Variants in IL12RB2 observed in about 807,000 individuals in gnomAD.
IL12RB2 encodes the protein interleukin-12 receptor subunit beta-2.
IL12RB2 carries 82 observed loss-of-function variants against 89.4 expected under a neutral mutation model. The ratio of observed to expected loss-of-function variants is 0.92; its 90% CI spans 0.77 to 1.10. IL12RB2 has a LOEUF of 1.10. Ranked by LOEUF, IL12RB2 falls within the 50% of genes least tolerant of loss-of-function variation. The pLI, the probability that IL12RB2 is intolerant of heterozygous loss-of-function variation, is 0.00. For missense variants in IL12RB2, 963 were observed against 1,031.9 expected (o/e 0.93, Z 0.92); for synonymous variants, 368 against 370.1 (o/e 0.99, Z 0.07).
chr1:67,352,299 G>C (rs1433135611), intron 10 of IL12RB2, among the ~76,000 whole-genome samples: 1 of 152,168 alleles, frequency 6.6e-6, no homozygotes, highest in Non-Finnish European at 1.5e-5. Context: ...CTCAAAAAAA[G>C]AGAAGTCCAG....
At chr1:67,338,488 AAAAAATACTGGGACACACACAAATAATTG>A (rs1659131655) in intron 8 of IL12RB2, 107 bp from the exon 9 acceptor site, 2 of 640,818 alleles carry the variant, frequency 3.1e-6, no homozygotes, top group Non-Finnish European at 2.8e-6. Context: ...CAAGAAAAAG[AAAAAATACTGGGACACACACAAATAATTG>A]AAGTTATCCT....
Position 67,368,045 on chromosome 1 carries a change from C to T in IL12RB2, c.1459+20C>T, listed in dbSNP as rs1254044590. The T allele has an allele frequency of 6.8e-7, 1 of 1,463,364 alleles. No individual in the cohort carries two copies. Among genetic ancestry groups the T allele is most frequent in the Non-Finnish European group, 9.6e-7 (1 of 1,042,770 alleles). The allele number at this position is 1,463,364 out of a possible 1,614,324, so 90.6% of individuals were successfully genotyped here. On this transcript the variant is annotated intron_variant, in intron 11 of 16. Transcript: ENST00000674203. ...TTTCAGGTACCTAATTGTTCACCTT[C>T]CTTCTAGAGGGTTACTAAGTTCACA...
chr1:67,338,933 C>A (rs188127776), intron 9 of IL12RB2, among the ~76,000 whole-genome samples: 169 of 152,220 alleles, frequency 1.1e-3, no homozygotes, highest in African/African-American at 3.8e-3. Context: ...AGATCAAGGT[C>A]TTTTTCCATC....
intron 2 of IL12RB2, among the ~76,000 whole-genome samples, chr1:67,318,633 G>T (rs1157462080): frequency 6.6e-6 from 1 of 152,132 alleles, no homozygotes; most frequent in Admixed American, 6.6e-5. Flanking sequence ...TAGCCACCTG[G>T]GGTAAGAATA....
chr1:67,380,084 G>A lies in IL12RB2; in HGVS notation c.1816G>A (p.Glu606Lys), dbSNP rs772560362. ...GATGACAGCTCTGACAGCTGCTGGT[G>A]AAAGTTCCCACGGAAATGAGAGGGA... Reference protein sequence around the residue: ...LWMTALTAAGESSHGNEREFC... With the variant: ...LWMTALTAAGKSSHGNEREFC... Residue 606 changes from glutamate to lysine, a missense_variant, in exon 14 of 17, where the codon GAA becomes AAA. Coordinates refer to ENST00000674203, the MANE Select transcript of IL12RB2 (RefSeq NM_001374259.2). 26 of 1,614,208 alleles carry A rather than the reference G, an allele frequency of 1.6e-5. No individual in the cohort carries two copies. Among genetic ancestry groups the A allele is most frequent in the Non-Finnish European group, 2.1e-5 (25 of 1,180,024 alleles).
chr1:67,386,872 TTATATATATATATATATATATATATATA>T lies in IL12RB2; in HGVS notation c.1946+221_1946+248del, dbSNP rs1179774666. ...AACAATCTCTAACTAGAAATGTATT[TTATATATATATATATATATATATATATA>T]TATATATATATATATATTCTTTTTT... On this transcript the variant is annotated intron_variant, in intron 15 of 16. Transcript: ENST00000674203. 4.1e-4 allele frequency among the ~76,000 whole-genome samples: 20 copies of T among 48,466 alleles called. No homozygotes were observed. The East Asian group carries it at 4.6e-3, about 11-fold the overall frequency. 31.8% of individuals were successfully genotyped at this position (48,466 alleles called of 152,430 possible).
chr1:67,366,632 G>A (rs1209521492), intron 10 of IL12RB2, among the ~76,000 whole-genome samples: 1 of 152,118 alleles, frequency 6.6e-6, no homozygotes, highest in Non-Finnish European at 1.5e-5. Context: ...CTATTTTAGA[G>A]ATAAATCTGG....
chr1:67,329,442 T>A (rs1657762199), intron 6 of IL12RB2, 145 bp from the exon 7 acceptor site: 1 of 684,388 alleles, frequency 1.5e-6, no homozygotes, highest in Non-Finnish European at 2.7e-6. Flanking sequence ...AGCCTGGAAC[T>A]TTTCTCTTGT....
Position 67,320,361 on chromosome 1 carries a change from G to T in IL12RB2, c.-8G>T. On this transcript the variant is annotated 5_prime_UTR_variant, in exon 3 of 17. Coordinates refer to ENST00000674203, the MANE Select transcript of IL12RB2 (RefSeq NM_001374259.2). ...GAATACGGAGTTCTATACCAGAGTT[G>T]ATTGTTGATGGCACATACTTTTAGA... 1 of 1,613,896 alleles carries T rather than the reference G, an allele frequency of 6.2e-7. No individual in the cohort carries two copies. Among genetic ancestry groups the T allele is most frequent in the South Asian group, 1.1e-5 (1 of 91,050 alleles).
In IL12RB2 at chr1:67,349,286, C is replaced by T. The variant is rs565856847; in HGVS notation, c.1039-1584C>T. Among the ~76,000 whole-genome samples, 32 of 152,188 alleles carry T rather than the reference C, an allele frequency of 2.1e-4. 1 individual carries two copies. Among genetic ancestry groups the T allele is most frequent in the African/African-American group, 7.7e-4 (32 of 41,514 alleles). On this transcript the variant is annotated intron_variant, in intron 9 of 16. Coordinates refer to ENST00000674203, the MANE Select transcript of IL12RB2 (RefSeq NM_001374259.2). ...AAGAGTTTTGTGAGCTCAGTTAACT[C>T]TTGGGAAGTACCTTAGGGTTGGAAA...
At chr1:67,356,911 A>G (rs906002970) in intron 10 of IL12RB2, among the ~76,000 whole-genome samples, 2 of 152,236 alleles carry the variant, frequency 1.3e-5, no homozygotes, top group African/African-American at 4.8e-5. Context: ...AGATTAGAAT[A>G]AATGTAAAAA....
intron 4 of IL12RB2, among the ~76,000 whole-genome samples, chr1:67,325,966 A>G (rs967299022): frequency 3.3e-5 from 5 of 152,196 alleles, no homozygotes; most frequent in Admixed American, 1.3e-4. Flanking sequence ...TTACAATAGA[A>G]GGGACCATGC....
chr1:67,394,733 T>C (rs1666184433), intron 16 of IL12RB2, among the ~76,000 whole-genome samples: 1 of 152,106 alleles, frequency 6.6e-6, no homozygotes, highest in Non-Finnish European at 1.5e-5. Context: ...GGGTTACCAG[T>C]CATAAGAAAT....
intron 10 of IL12RB2, among the ~76,000 whole-genome samples, chr1:67,352,178 G>A (rs1367951305): frequency 6.6e-6 from 1 of 152,156 alleles, no homozygotes; most frequent in Non-Finnish European, 1.5e-5. Context: ...CAAGTAAACA[G>A]TATATGTATA....
intron 7 of IL12RB2, 143 bp downstream of exon 7, chr1:67,329,872 G>A (rs1190456500): frequency 4.5e-5 from 31 of 689,158 alleles, no homozygotes; most frequent in Non-Finnish European, 7.3e-5. Context: ...AGAAAGTCAT[G>A]TATGCCTCTG....
In IL12RB2 at chr1:67,380,000, G is replaced by A; in HGVS notation, c.1732G>A (p.Val578Ile). The A allele has an allele frequency of 6.2e-7, 1 of 1,611,082 alleles. No individual in the cohort carries two copies. ...QPQLCEIPYR[V>I]SQNSHPINSL... ...CTTCCTTTCAGAAATTCCCTACAGA[G>A]TCTCCCAAAATTCACATCCAATAAA... Residue 578 changes from valine to isoleucine, a missense_variant, in exon 14 of 17, where the codon GTC (valine) becomes ATC (isoleucine). By Grantham distance (29) the Val-to-Ile change is conservative. Coordinates refer to ENST00000674203, the MANE Select transcript of IL12RB2 (RefSeq NM_001374259.2).
In IL12RB2 at chr1:67,332,713, G is replaced by A. The variant is rs143778640; in HGVS notation, c.958+1903G>A. Among the ~76,000 whole-genome samples the A allele has an allele frequency of 2.7e-3, 412 of 152,150 alleles. 3 individuals are homozygous for A. Among genetic ancestry groups the A allele is most frequent in the African/African-American group, 9.6e-3 (398 of 41,504 alleles). ...AGATTTTGTTTATATATGTGGTACA[G>A]ATAAAACTTCTGAAAATGGGCTATA... On this transcript the variant is annotated intron_variant, in intron 8 of 16. Transcript: ENST00000674203.
rs371905236 is a variant in IL12RB2, at chr1:67,390,065, G to T, written c.1983G>T (p.Trp661Cys). Residue 661 changes from tryptophan (W) to cysteine (C), a missense_variant, in exon 16 of 17, where the codon TGG (tryptophan) becomes TGT (cysteine). Coordinates refer to ENST00000674203, the MANE Select transcript of IL12RB2 (RefSeq NM_001374259.2). ...TCCTAGCAGCCCTCAGACCTCAGTG[G>T]TGTAGCAGAGAAATTCCAGATCCAG... is the stretch of plus-strand genomic sequence containing the variant. ...FVLLAALRPQ[W>C]CSREIPDPAN... The T allele has an allele frequency of 1.4e-6, 2 of 1,389,206 alleles. No homozygotes were observed. The highest frequency in any genetic ancestry group is 2.1e-6 in the Non-Finnish European group (2 of 974,402). The allele number at this position is 1,389,206 out of a possible 1,614,324, so 86.1% of individuals were successfully genotyped here.
intron 2 of IL12RB2, among the ~76,000 whole-genome samples, chr1:67,318,347 AG>A (rs775656013): frequency 5.9e-5 from 9 of 152,188 alleles, no homozygotes; most frequent in Admixed American, 1.3e-4. Flanking sequence ...GGTGGTGTGC[AG>A]GGGGTAACAT....
Sources: gnomAD v4.1 joint callset for allele counts (sites outside exome capture counted in the v4.1 genomes callset) on GRCh38, gnomAD v4.1.1 for gene constraint, MANE v1.5 for transcripts, NCBI Gene and HGNC (gene_info 2026-07-23, HGNC 2026-07-21) for gene names.